Variants in SEPTIN14 observed in about 807,000 individuals in gnomAD.
The protein encoded by SEPTIN14 is septin-14.
SEPTIN14 carries 40 observed loss-of-function variants against 53.6 expected under a neutral mutation model. The observed-to-expected ratio is 0.75, with a 90% confidence interval of 0.58 to 0.97. The LOEUF is 0.97. Ranked by LOEUF, SEPTIN14 falls within the 50% of genes least tolerant of loss-of-function variation. SEPTIN14 has a pLI of 0.00. For missense variants in SEPTIN14, 471 were observed against 508.2 expected, an observed-to-expected ratio of 0.93 and a Z score of 0.70; for synonymous variants, 138 against 166.8, an observed-to-expected ratio of 0.83 and a Z score of 1.33.
At chr7:55,800,222 T>C (rs1180917222) in intron 9 of SEPTIN14, among the ~76,000 whole-genome samples, 1 of 152,224 alleles carries the variant, frequency 6.6e-6, no homozygotes, top group Non-Finnish European at 1.5e-5. Flanking sequence ...TCCTGTCACT[T>C]GCAACAACAT....
chr7:55,837,645 G>A lies in SEPTIN14; in HGVS notation c.559-3059C>T, dbSNP rs1018068679. Among the ~76,000 whole-genome samples the A allele has an allele frequency of 3.9e-5, 6 of 151,918 alleles. No individual in the cohort carries two copies. In the South Asian group the frequency reaches 6.2e-4, roughly 16 times the overall value. On this transcript the variant is annotated intron_variant, in intron 5 of 9. Transcript: ENST00000388975. ...GTTGCCCAGGCTGAAGTGCAATGGC[G>A]TGATCTCGGCTCACCGCAACCTCTG...
intron 6 of SEPTIN14, among the ~76,000 whole-genome samples, chr7:55,834,115 A>G (rs1562714460): frequency 6.6e-6 from 1 of 152,218 alleles, no homozygotes; most frequent in Non-Finnish European, 1.5e-5. Flanking sequence ...CCAAACTTTC[A>G]AAGAAAATTT....
chr7:55,794,873 G>A lies in SEPTIN14; in HGVS notation c.*1040C>T, dbSNP rs10224225. ...GTCATGTTGGCCGGGCTGTTCTCAA[G>A]CTCCTGACCGCAAGTGATCCGCCCA... On this transcript the variant is annotated 3_prime_UTR_variant, in exon 10 of 10. Coordinates refer to ENST00000388975, the MANE Select transcript of SEPTIN14 (RefSeq NM_207366.3). The A allele has an allele frequency of 0.071, 10,875 of 152,174 alleles. 919 individuals are homozygous for A. Among genetic ancestry groups the A allele is most frequent in the African/African-American group, 0.2 (8,390 of 41,464 alleles). 9.4% of individuals were successfully genotyped at this position (152,174 alleles called of 1,614,324 possible).
chr7:55,824,903 A>G (rs1788957736), intron 6 of SEPTIN14, among the ~76,000 whole-genome samples: 1 of 152,186 alleles, frequency 6.6e-6, no homozygotes, highest in African/African-American at 2.4e-5. Context: ...GCCAGTGGGA[A>G]TGCAAAATGG....
chr7:55,809,026 A>G (rs376786636), intron 7 of SEPTIN14, among the ~76,000 whole-genome samples: 69 of 152,306 alleles, frequency 4.5e-4, no homozygotes, highest in African/African-American at 1.4e-3. Context: ...ATGCCCATCA[A>G]TGGTAGACTG....
intron 5 of SEPTIN14, among the ~76,000 whole-genome samples, chr7:55,838,581 C>T (rs1001971026): frequency 7.6e-5 from 10 of 130,860 alleles, no homozygotes; most frequent in East Asian, 5.2e-4. Flanking sequence ...TTCTCTCTTT[C>T]GCTCTCTTTT....
intron 2 of SEPTIN14, among the ~76,000 whole-genome samples, chr7:55,855,711 G>A (rs534717639): frequency 1.3e-5 from 2 of 151,984 alleles, no homozygotes; most frequent in Admixed American, 6.6e-5. Context: ...GTGCCACCAC[G>A]CCCAACTAAT....
chr7:55,803,181 G>A (rs1013269411), intron 9 of SEPTIN14, among the ~76,000 whole-genome samples: 5 of 151,956 alleles, frequency 3.3e-5, no homozygotes, highest in Admixed American at 1.3e-4. Flanking sequence ...CAAATGATCC[G>A]CCCACCTCCA....
chr7:55,846,015 C>T (rs1259847617), intron 3 of SEPTIN14, among the ~76,000 whole-genome samples: 3 of 125,272 alleles, frequency 2.4e-5, no homozygotes, highest in Non-Finnish European at 4.8e-5. Flanking sequence ...CACCACTGCA[C>T]TCCAGCATGG....
intron 7 of SEPTIN14, among the ~76,000 whole-genome samples, chr7:55,818,182 T>C (rs1446850666): frequency 6.6e-6 from 1 of 152,034 alleles, no homozygotes; most frequent in Non-Finnish European, 1.5e-5. Context: ...TTTAACAACA[T>C]CATTTGAGGC....
intron 6 of SEPTIN14, among the ~76,000 whole-genome samples, chr7:55,832,231 AC>A (rs1298414398): frequency 1.1e-4 from 16 of 151,990 alleles, no homozygotes; most frequent in African/African-American, 3.1e-4. Flanking sequence ...ACACACACAC[AC>A]ACACACACAC....
At position 55,857,582 on chromosome 7, in the gene SEPTIN14, C is replaced by CTTTTT. The variant is rs1162739964; in HGVS notation, c.54+4356_54+4360dup. ...GAGGGGAGGGGAGGGGAGCCTGTGT[C>CTTTTT]TTTTTTTTTTTTTTTTTTTTTTTTT... On this transcript the variant is annotated intron_variant, in intron 2 of 9. Transcript: ENST00000388975. Among the ~76,000 whole-genome samples the CTTTTT allele has an allele frequency of 2.3e-4, 5 of 21,582 alleles. 1 individual carries two copies. Among genetic ancestry groups the CTTTTT allele is most frequent in the African/African-American group, 9.0e-4 (5 of 5,544 alleles). The allele number at this position is 21,582 out of a possible 152,430, so 14.2% of individuals were successfully genotyped here. A position where few individuals can be genotyped will look rare whatever the true frequency, so the allele number is the denominator to read the frequency against.
chr7:55,851,445 C>CA lies in SEPTIN14; in HGVS notation c.55-4809dup, dbSNP rs546540044. Among the ~76,000 whole-genome samples, 422 of 151,330 alleles carry CA rather than the reference C, an allele frequency of 2.8e-3. 5 individuals carry two copies. The highest frequency in any genetic ancestry group is 0.01 in the Middle Eastern group (3 of 294). On this transcript the variant is annotated intron_variant, in intron 2 of 9. Coordinates refer to ENST00000388975, the MANE Select transcript of SEPTIN14 (RefSeq NM_207366.3). ...TTTTTTTATCTTAACAAAACATTAC[C>CA]AATCAATTCACTTGTATATAAAAAA...
In SEPTIN14 at chr7:55,795,798, A is replaced by G; in HGVS notation, c.*115T>C. On this transcript the variant is annotated 3_prime_UTR_variant, in exon 10 of 10. Transcript: ENST00000388975. ...TTCACACTTTAGTTGGGGAAAATAT[A>G]CAATAAGCAAGCCAATTTTTAAAAT... The G allele has an allele frequency of 2.5e-6, 2 of 810,462 alleles. No individual in the cohort carries two copies. Among genetic ancestry groups the G allele is most frequent in the Non-Finnish European group, 4.0e-6 (2 of 498,598 alleles). 50.2% of individuals were successfully genotyped at this position (810,462 alleles called of 1,614,324 possible).
intron 6 of SEPTIN14, among the ~76,000 whole-genome samples, chr7:55,828,986 C>T (rs539125652): frequency 8.6e-5 from 13 of 151,810 alleles, no homozygotes; most frequent in Admixed American, 2.0e-4. Flanking sequence ...ACATAATTTC[C>T]GATTTATTGA....
chr7:55,804,595 T>C (rs1304879322), intron 9 of SEPTIN14, among the ~76,000 whole-genome samples: 1 of 152,134 alleles, frequency 6.6e-6, no homozygotes, highest in African/African-American at 2.4e-5. Context: ...TGTCTTTGAA[T>C]GAGACATCTG....
chr7:55,828,476 T>C (rs1789028896), intron 6 of SEPTIN14, among the ~76,000 whole-genome samples: 1 of 152,010 alleles, frequency 6.6e-6, no homozygotes, highest in African/African-American at 2.4e-5. Context: ...GGCTAATTTT[T>C]TGTATTTTTA....
chr7:55,823,777 T>C (rs1289483910), intron 6 of SEPTIN14, among the ~76,000 whole-genome samples: 1 of 152,166 alleles, frequency 6.6e-6, no homozygotes, highest in South Asian at 2.1e-4. Context: ...AGCAATCCTT[T>C]GTTTGTTTGC....
In SEPTIN14 at chr7:55,834,453, G is replaced by A. The variant is rs1789166962; in HGVS notation, c.692C>T (p.Thr231Ile). The change falls in exon 6 of 10, where the codon ACT (threonine) becomes ATT (isoleucine). Residue 231 changes from threonine (T) to isoleucine (I), a missense_variant. Transcript: ENST00000388975. ...QIYQLPTDEE[T>I]AAQANSSVSG... Reference sequence around the variant, plus strand: ...AACTGAGGAGTTCGCTTGAGCAGCAGTTTCTTCATCTGTTGGGAGCTGATA... The same window carrying A: ...AACTGAGGAGTTCGCTTGAGCAGCAATTTCTTCATCTGTTGGGAGCTGATA... The A allele has an allele frequency of 6.2e-7, 1 of 1,611,278 alleles. No individual in the cohort carries two copies. The highest frequency in any genetic ancestry group is 2.2e-5 in the East Asian group (1 of 44,782).
Sources: gnomAD v4.1 joint callset for allele counts (sites outside exome capture counted in the v4.1 genomes callset) on GRCh38, gnomAD v4.1.1 for gene constraint, MANE v1.5 for transcripts, NCBI Gene and HGNC (gene_info 2026-07-23, HGNC 2026-07-21) for gene names.